Variants in CHODL observed in about 807,000 individuals in gnomAD.
The protein encoded by CHODL is chondrolectin, also known as transmembrane protein MT75.
CHODL carries 29 observed loss-of-function variants against 34.5 expected under a neutral mutation model. That is an observed-to-expected ratio of 0.84 (90% CI 0.63 to 1.15). The LOEUF (loss-of-function observed/expected upper bound fraction) is 1.15. Among genes scored for constraint, CHODL ranks in the 50% most tolerant of loss-of-function variants. CHODL has a pLI of 0.00. For missense variants in CHODL, 332 were observed against 332.5 expected, an observed-to-expected ratio of 1.00 and a Z score of 0.01; for synonymous variants, 125 against 116.1, an observed-to-expected ratio of 1.08 and a Z score of -0.49.
chr21:18,079,959 A>G (rs576815560), intron 2 of CHODL, among the ~76,000 whole-genome samples: 1 of 151,548 alleles, frequency 6.6e-6, no homozygotes, highest in South Asian at 2.1e-4. Context: ...CCAACAGTGT[A>G]TAAGCATTCT....
intron 2 of CHODL, among the ~76,000 whole-genome samples, chr21:18,056,923 G>A (rs1242188041): frequency 1.3e-5 from 2 of 152,012 alleles, no homozygotes; most frequent in African/African-American, 2.4e-5. Flanking sequence ...CATTTCAGAA[G>A]TCTTCCCCAA....
chr21:18,109,090 A>C (rs535144194), intron 2 of CHODL, among the ~76,000 whole-genome samples: 21 of 152,154 alleles, frequency 1.4e-4, no homozygotes, highest in Non-Finnish European at 1.8e-4. Context: ...CTTTTGCATT[A>C]ATTATGTAGC....
At chr21:18,113,274 G>C (rs553643620) in intron 2 of CHODL, among the ~76,000 whole-genome samples, 39 of 152,256 alleles carry the variant, frequency 2.6e-4, no homozygotes, top group African/African-American at 9.4e-4. Context: ...GCGAGGATGC[G>C]GAGAAAAGTG....
chr21:17,983,816 A>G (rs2063732540), intron 1 of CHODL, among the ~76,000 whole-genome samples: 1 of 152,112 alleles, frequency 6.6e-6, no homozygotes, highest in Non-Finnish European at 1.5e-5. Context: ...GGACATAGGC[A>G]TATGCCCATA....
chr21:17,961,963 T>C (rs755277447), intron 1 of CHODL, among the ~76,000 whole-genome samples: 1 of 152,196 alleles, frequency 6.6e-6, no homozygotes, highest in Non-Finnish European at 1.5e-5. Flanking sequence ...GGGCTTGAGA[T>C]GTTAGAAAGA....
chr21:18,034,504 A>T (rs960665645), intron 2 of CHODL: 3 of 152,074 alleles, frequency 2.0e-5, no homozygotes, highest in Admixed American at 2.0e-4. Context: ...ATAGGAAGGA[A>T]AGAAGCATAC....
At chr21:18,208,262 A>G (rs12373929) in intron 2 of CHODL, among the ~76,000 whole-genome samples, 39,784 of 150,698 alleles carry the variant, frequency 0.26, 5,619 homozygotes, top group African/African-American at 0.37. Flanking sequence ...CAATTCTATT[A>G]AGACTCTGAA....
intron 1 of CHODL, among the ~76,000 whole-genome samples, chr21:17,964,549 C>T (rs926187997): frequency 3.9e-5 from 6 of 152,068 alleles, no homozygotes; most frequent in African/African-American, 9.7e-5. Flanking sequence ...GTAGTGTTGC[C>T]TTTTACTTAA....
chr21:17,962,544 G>A (rs902591224), intron 1 of CHODL, among the ~76,000 whole-genome samples: 2 of 152,100 alleles, frequency 1.3e-5, no homozygotes, highest in African/African-American at 2.4e-5. Context: ...GGGTGGCTCC[G>A]TGACCATCTG....
chr21:18,237,548 AAGG>A (rs2074039686), intron 2 of CHODL, among the ~76,000 whole-genome samples: 1 of 152,132 alleles, frequency 6.6e-6, no homozygotes, highest in South Asian at 2.1e-4. Context: ...GTGTGGAAGA[AAGG>A]AGAATATCCT....
chr21:18,226,207 G>A (rs765935548), intron 2 of CHODL, among the ~76,000 whole-genome samples: 1 of 152,060 alleles, frequency 6.6e-6, no homozygotes, highest in Admixed American at 6.6e-5. Context: ...ACACTTGGGA[G>A]GATATATTAT....
intron 1 of CHODL, among the ~76,000 whole-genome samples, chr21:18,012,641 T>A (rs1184213484): frequency 6.6e-6 from 1 of 152,210 alleles, no homozygotes; most frequent in Admixed American, 6.5e-5. Context: ...CTATTAAGTT[T>A]CAGGTCTGTG....
At chr21:18,012,519 A>G (rs1399365593) in intron 1 of CHODL, among the ~76,000 whole-genome samples, 1 of 152,224 alleles carries the variant, frequency 6.6e-6, no homozygotes, top group African/African-American at 2.4e-5. Flanking sequence ...AAATAACTGG[A>G]ATCTTCCAGC....
At chr21:18,048,932 A>T (rs981812716) in intron 2 of CHODL, among the ~76,000 whole-genome samples, 6 of 151,126 alleles carry the variant, frequency 4.0e-5, no homozygotes, top group Non-Finnish European at 5.9e-5. Flanking sequence ...ATTTTTTTAA[A>T]AAAAATAGAA....
intron 2 of CHODL, among the ~76,000 whole-genome samples, chr21:18,038,823 G>A (rs570959083): frequency 1.3e-4 from 20 of 151,536 alleles, no homozygotes; most frequent in African/African-American, 4.3e-4. Flanking sequence ...TTAGATATTG[G>A]GAATGCCTGA....
intron 1 of CHODL, among the ~76,000 whole-genome samples, chr21:17,927,216 A>T (rs563338471): frequency 6.6e-6 from 1 of 150,386 alleles, no homozygotes; most frequent in South Asian, 2.1e-4. Flanking sequence ...GTGTATATAT[A>T]TATATCCCAG....
intron 1 of CHODL, among the ~76,000 whole-genome samples, chr21:18,012,499 T>C (rs533655069): frequency 6.6e-6 from 1 of 152,158 alleles, no homozygotes; most frequent in African/African-American, 2.4e-5. Context: ...TTAATGTATA[T>C]AGAAGTATAA....
intron 2 of CHODL, among the ~76,000 whole-genome samples, chr21:18,108,208 G>A (rs2065298661): frequency 1.3e-5 from 2 of 151,018 alleles, no homozygotes; most frequent in Non-Finnish European, 2.9e-5. Flanking sequence ...GGGAATACTA[G>A]TTATGTCTGC....
intron 1 of CHODL, among the ~76,000 whole-genome samples, chr21:17,926,061 G>A (rs1264445406): frequency 1.3e-5 from 2 of 152,176 alleles, no homozygotes; most frequent in Non-Finnish European, 2.9e-5. Context: ...ATTAGTAGGT[G>A]TAATGATTCT....
Sources: allele counts gnomAD v4.1 joint callset (sites outside exome capture counted in the v4.1 genomes callset), GRCh38; gene constraint gnomAD v4.1.1; transcripts MANE v1.5; gene names NCBI Gene and HGNC (gene_info 2026-07-23, HGNC 2026-07-21).